The following ANKRD6 variants were observed in gnomAD, a reference collection of about 807,000 sequenced individuals.
ANKRD6 encodes ankyrin repeat domain-containing protein 6.
ANKRD6 carries 56 observed loss-of-function variants against 82.3 expected under a neutral mutation model. The observed-to-expected ratio is 0.68, with a 90% confidence interval of 0.55 to 0.85. ANKRD6 has a LOEUF of 0.85. ANKRD6 is among the 40% of genes least tolerant of loss of function. ANKRD6 has a pLI of 0.00. For synonymous variants in ANKRD6, 347 were observed against 352.1 expected (o/e 0.99, Z 0.16); for missense variants, 852 against 907.6 (o/e 0.94, Z 0.79).
At chr6:89,593,240 C>CT in intron 2 of ANKRD6, among the ~76,000 whole-genome samples, 1 of 152,300 alleles carries the variant, frequency 6.6e-6, no homozygotes, top group African/African-American at 2.4e-5. Context: ...GATGAACTCC[C>CT]CTGTGTTTCA....
intron 2 of ANKRD6, among the ~76,000 whole-genome samples, chr6:89,590,400 C>G (rs1794651626): frequency 6.6e-6 from 1 of 152,116 alleles, no homozygotes. Context: ...TAAAAACTGC[C>G]TGGGCCTCAC....
intron 2 of ANKRD6, among the ~76,000 whole-genome samples, chr6:89,579,762 A>AG (rs1792067772): frequency 6.6e-6 from 1 of 150,824 alleles, no homozygotes. Context: ...GTCTCAAAAA[A>AG]AAAAAAAAAA....
At chr6:89,603,163 A>G in intron 4 of ANKRD6, 36 bp downstream of exon 4, 1 of 1,562,452 alleles carries the variant, frequency 6.4e-7, no homozygotes, top group Non-Finnish European at 8.7e-7. Context: ...TCCCCAAGGC[A>G]AGGGAAGCCA....
intron 1 of ANKRD6, among the ~76,000 whole-genome samples, chr6:89,446,909 T>G (rs1227245766): frequency 1.3e-5 from 2 of 152,190 alleles, no homozygotes; most frequent in East Asian, 3.9e-4. Flanking sequence ...GCTGCTGCCA[T>G]GTGAAGAAGG....
At chr6:89,597,909 G>A (rs1796257850) in intron 3 of ANKRD6, among the ~76,000 whole-genome samples, 1 of 152,178 alleles carries the variant, frequency 6.6e-6, no homozygotes, top group African/African-American at 2.4e-5. Context: ...TTACCATGCT[G>A]TTGATGACCA....
intron 2 of ANKRD6, among the ~76,000 whole-genome samples, chr6:89,584,910 A>G (rs1049368117): frequency 2.0e-5 from 3 of 152,098 alleles, no homozygotes; most frequent in African/African-American, 7.2e-5. Context: ...TCTGTGTGGC[A>G]GAGAGAGGGG....
chr6:89,629,846 C>G (rs1350501035), intron 15 of ANKRD6, among the ~76,000 whole-genome samples: 1 of 152,206 alleles, frequency 6.6e-6, no homozygotes, highest in Non-Finnish European at 1.5e-5. Context: ...CAGGCCATCT[C>G]TGGAACTGTG....
intron 1 of ANKRD6, among the ~76,000 whole-genome samples, chr6:89,493,373 G>A (rs1226912888): frequency 6.6e-6 from 1 of 151,754 alleles, no homozygotes; most frequent in Admixed American, 6.6e-5. Flanking sequence ...GTGTGTCTCT[G>A]TGTGTCAACT....
intron 2 of ANKRD6, among the ~76,000 whole-genome samples, chr6:89,573,826 A>C (rs1384548669): frequency 1.3e-5 from 2 of 152,170 alleles, no homozygotes; most frequent in South Asian, 4.1e-4. Flanking sequence ...GTCTTCTGAA[A>C]GGCCTTTTGC....
chr6:89,530,443 C>A (rs1783003537), intron 1 of ANKRD6, among the ~76,000 whole-genome samples: 1 of 150,272 alleles, frequency 6.7e-6, no homozygotes, highest in African/African-American at 2.4e-5. Context: ...TAAAATGAGA[C>A]ATGCCCAAAT....
chr6:89,523,906 C>T (rs1259693198), intron 1 of ANKRD6, among the ~76,000 whole-genome samples: 1 of 152,036 alleles, frequency 6.6e-6, no homozygotes, highest in South Asian at 2.1e-4. Flanking sequence ...AAATTCTCTG[C>T]CTCCATCTGA....
rs79943646 is a variant in ANKRD6 at position 89,571,859 on chromosome 6, C to T, written c.120+4763C>T. Reference sequence around the variant, plus strand: ...AAAAATGTATAATGACATACATCCACCAGTATAGTATCATATAGATTATTT... The same window carrying T: ...AAAAATGTATAATGACATACATCCATCAGTATAGTATCATATAGATTATTT... On this transcript the variant is annotated intron_variant, in intron 2 of 15. Coordinates refer to ENST00000339746, the MANE Select transcript of ANKRD6 (RefSeq NM_001242809.2). 7.9e-3 allele frequency among the ~76,000 whole-genome samples: 1,210 copies of T among 152,282 alleles called. 25 individuals are homozygous for T. The highest frequency in any genetic ancestry group is 0.026 in the African/African-American group (1,087 of 41,564).
At chr6:89,472,876 A>G (rs1775631618) in intron 1 of ANKRD6, among the ~76,000 whole-genome samples, 2 of 151,972 alleles carry the variant, frequency 1.3e-5, no homozygotes, top group South Asian at 4.2e-4. Context: ...ATCCACCCCC[A>G]TGGTCACTGT....
intron 15 of ANKRD6, 131 bp from the exon 16 acceptor site, chr6:89,630,302 T>C: frequency 9.2e-7 from 1 of 1,082,388 alleles, no homozygotes; most frequent in African/African-American, 1.6e-5. Flanking sequence ...GAGGAGACGT[T>C]ACACATGGTG....
intron 3 of ANKRD6, among the ~76,000 whole-genome samples, chr6:89,601,121 G>A (rs560235302): frequency 8.5e-4 from 129 of 152,300 alleles, no homozygotes; most frequent in African/African-American, 3.0e-3. Context: ...TAAGAGGTCT[G>A]AGGTAGACAG....
chr6:89,579,851 G>A (rs1178084691), intron 2 of ANKRD6, among the ~76,000 whole-genome samples: 1 of 150,462 alleles, frequency 6.6e-6, no homozygotes, highest in Non-Finnish European at 1.5e-5. Flanking sequence ...AGTAGAAGTT[G>A]AGAAGCTGAT....
At chr6:89,579,556 A>G (rs1791982744) in intron 2 of ANKRD6, among the ~76,000 whole-genome samples, 2 of 152,106 alleles carry the variant, frequency 1.3e-5, no homozygotes, top group Non-Finnish European at 1.5e-5. Flanking sequence ...GGATCTCTTG[A>G]GGCCAGGAGT....
chr6:89,560,191 G>C (rs930819434), intron 1 of ANKRD6, among the ~76,000 whole-genome samples: 12 of 152,138 alleles, frequency 7.9e-5, no homozygotes, highest in African/African-American at 2.9e-4. Flanking sequence ...ACACTGGGTG[G>C]CTTAAACAAC....
In ANKRD6 at chr6:89,444,887, G is replaced by C. The variant is rs943173629; in HGVS notation, c.-144+11512G>C. Among the ~76,000 whole-genome samples the C allele has an allele frequency of 6.6e-5, 10 of 152,218 alleles. 1 individual carries two copies. The highest frequency in any genetic ancestry group is 6.5e-4 in the Admixed American group (10 of 15,286). ...GGAGGCTGAGGCAGGAGAGTTGCTTGAACCTGGGAGGCGGAGGTTACAGTG... is the reference window on the plus strand; with the variant it reads ...GGAGGCTGAGGCAGGAGAGTTGCTTCAACCTGGGAGGCGGAGGTTACAGTG... On this transcript the variant is annotated intron_variant, in intron 1 of 15. Transcript: ENST00000339746.
Sources: allele counts gnomAD v4.1 joint callset (sites outside exome capture counted in the v4.1 genomes callset), GRCh38; gene constraint gnomAD v4.1.1; transcripts MANE v1.5; gene names NCBI Gene and HGNC (gene_info 2026-07-23, HGNC 2026-07-21).